The following NAALADL2 variants were observed in gnomAD, a reference collection of about 807,000 sequenced individuals.
The protein encoded by NAALADL2 is inactive N-acetylated-alpha-linked acidic dipeptidase-like protein 2.
NAALADL2 carries 76 observed loss-of-function variants against 87.2 expected under a neutral mutation model. The ratio of observed to expected loss-of-function variants is 0.87; its 90% CI spans 0.72 to 1.05. The LOEUF is 1.05. Ranked by LOEUF, NAALADL2 falls within the 50% of genes least tolerant of loss-of-function variation. NAALADL2 has a pLI of 0.00. For synonymous variants in NAALADL2, 354 were observed against 331.0 expected, an observed-to-expected ratio of 1.07 and a Z score of -0.75; for missense variants, 1,089 against 945.8, an observed-to-expected ratio of 1.15 and a Z score of -1.99.
chr3:175,281,974 T>C (rs1029791060), intron 4 of NAALADL2, among the ~76,000 whole-genome samples: 1 of 152,028 alleles, frequency 6.6e-6, no homozygotes, highest in African/African-American at 2.4e-5. Context: ...GTTTTGTTAT[T>C]ATTTCACACA....
chr3:175,430,466 G>A (rs1717565391), intron 5 of NAALADL2, among the ~76,000 whole-genome samples: 1 of 151,854 alleles, frequency 6.6e-6, no homozygotes, highest in South Asian at 2.1e-4. Flanking sequence ...TATTATTAAA[G>A]GGAATATTTC....
At chr3:175,274,733 C>T (rs983424804) in intron 4 of NAALADL2, among the ~76,000 whole-genome samples, 1 of 152,076 alleles carries the variant, frequency 6.6e-6, no homozygotes, top group Non-Finnish European at 1.5e-5. Context: ...ATATTTTCCA[C>T]AAAGTGTTCA....
chr3:175,165,099 C>T (rs1431510920), intron 2 of NAALADL2, among the ~76,000 whole-genome samples: 1 of 152,158 alleles, frequency 6.6e-6, no homozygotes, highest in Middle Eastern at 3.2e-3. Flanking sequence ...TATTTGACTT[C>T]TGATCTATTA....
At chr3:174,761,260 C>T (rs1314773908) in intron 3 of NAALADL2, among the ~76,000 whole-genome samples, 1 of 151,918 alleles carries the variant, frequency 6.6e-6, no homozygotes, top group Non-Finnish European at 1.5e-5. Flanking sequence ...CATGGAACCC[C>T]TAATTATGGA....
intron 1 of NAALADL2, among the ~76,000 whole-genome samples, chr3:174,994,042 T>G (rs747525973): frequency 5.3e-5 from 8 of 152,232 alleles, no homozygotes; most frequent in Non-Finnish European, 4.4e-5. Context: ...TGACCTCATC[T>G]TAACTTGCTT....
At chr3:175,225,039 C>T (rs558625894) in intron 2 of NAALADL2, among the ~76,000 whole-genome samples, 1 of 152,144 alleles carries the variant, frequency 6.6e-6, no homozygotes, top group East Asian at 1.9e-4. Flanking sequence ...TGAGTCTGCC[C>T]AGGAAGGAAG....
chr3:175,609,424 G>A (rs1724275856), intron 10 of NAALADL2: 1 of 152,058 alleles, frequency 6.6e-6, no homozygotes, highest in South Asian at 2.1e-4. Context: ...TAGTATATAT[G>A]ACTTTTTTTT....
In NAALADL2 at chr3:174,698,784, A is replaced by C. The variant is rs1219002833; in HGVS notation, c.-114-38857A>C. ...GAGGCTGAGGCAGGAGAATGGCGTG[A>C]ACCCGGGAGGCGGAGCTTGCAGTGA... On this transcript the variant is annotated intron_variant, in intron 2 of 3. Coordinates refer to the NAALADL2 transcript ENST00000434257. 6.0e-5 allele frequency among the ~76,000 whole-genome samples: 8 copies of C among 133,846 alleles called. 2 individuals are homozygous for C. Among genetic ancestry groups the C allele is most frequent in the Non-Finnish European group, 9.0e-5 (6 of 66,470 alleles). 87.8% of individuals were successfully genotyped at this position (133,846 alleles called of 152,430 possible).
chr3:175,013,291 A>T (rs1210979650), intron 1 of NAALADL2, among the ~76,000 whole-genome samples: 5 of 84,738 alleles, frequency 5.9e-5, no homozygotes, highest in African/African-American at 3.6e-4. Flanking sequence ...ATATATATAT[A>T]TATATATATA....
chr3:174,982,501 T>A (rs1037567341), intron 1 of NAALADL2, among the ~76,000 whole-genome samples: 18 of 152,326 alleles, frequency 1.2e-4, no homozygotes, highest in African/African-American at 3.8e-4. Flanking sequence ...AATATTCATC[T>A]ATGAACTGAT....
At chr3:175,563,832 G>T (rs1716672943) in intron 9 of NAALADL2, among the ~76,000 whole-genome samples, 1 of 152,144 alleles carries the variant, frequency 6.6e-6, no homozygotes, top group Admixed American at 6.5e-5. Flanking sequence ...TAGCATTGGG[G>T]TGTGAGCTAC....
At position 175,693,410 on chromosome 3, in the gene NAALADL2, A is replaced by G. The variant is rs570914171; in HGVS notation, c.1897-43896A>G. Among the ~76,000 whole-genome samples, 11 of 152,310 alleles carry G rather than the reference A, an allele frequency of 7.2e-5. No individual in the cohort carries two copies. In the East Asian group the frequency reaches 2.1e-3, roughly 29 times the overall value. On this transcript the variant is annotated intron_variant, in intron 11 of 13. Coordinates refer to ENST00000454872, the MANE Select transcript of NAALADL2 (RefSeq NM_207015.3). ...GGAGTAACCCAATGCACTCAGGCAAACAAAGACAGTCCTTTCAGATGTGAC... is the reference window on the plus strand; with the variant it reads ...GGAGTAACCCAATGCACTCAGGCAAGCAAAGACAGTCCTTTCAGATGTGAC...
chr3:174,486,159 G>T (rs1157464200), intron 1 of NAALADL2, among the ~76,000 whole-genome samples: 2 of 152,032 alleles, frequency 1.3e-5, no homozygotes, highest in South Asian at 2.1e-4. Flanking sequence ...GGGCTACAGG[G>T]TACTGAAAGT....
intron 1 of NAALADL2, among the ~76,000 whole-genome samples, chr3:175,061,907 T>G (rs1374090792): frequency 6.6e-6 from 1 of 152,066 alleles, no homozygotes. Context: ...AGTCTTCAAC[T>G]GGATTCAAAC....
At chr3:174,685,520 T>A (rs891635705) in intron 2 of NAALADL2, among the ~76,000 whole-genome samples, 2 of 152,160 alleles carry the variant, frequency 1.3e-5, no homozygotes, top group Admixed American at 6.6e-5. Context: ...AAATTTTTTT[T>A]AATGACAGCC....
At chr3:175,366,539 A>C (rs1427067990) in intron 5 of NAALADL2, among the ~76,000 whole-genome samples, 5 of 151,300 alleles carry the variant, frequency 3.3e-5, no homozygotes, top group African/African-American at 1.2e-4. Flanking sequence ...TGACTTTTTA[A>C]TGGTTGTCAT....
chr3:175,569,325 A>C (rs572875849), intron 9 of NAALADL2, among the ~76,000 whole-genome samples: 20 of 152,340 alleles, frequency 1.3e-4, no homozygotes, highest in Admixed American at 2.6e-4. Context: ...ATTAGTTAGA[A>C]ATTAAAGTTT....
At chr3:175,193,408 G>A (rs965361412) in intron 2 of NAALADL2, among the ~76,000 whole-genome samples, 1 of 151,642 alleles carries the variant, frequency 6.6e-6, no homozygotes, top group Non-Finnish European at 1.5e-5. Flanking sequence ...GTAATGGTCA[G>A]GAAGAAGAAA....
At chr3:174,451,418 A>T (rs1038265911) in intron 1 of NAALADL2, among the ~76,000 whole-genome samples, 2 of 152,174 alleles carry the variant, frequency 1.3e-5, no homozygotes, top group Admixed American at 1.3e-4. Context: ...TGTAATTGTT[A>T]TCAAGAATTC....
Sources: allele counts gnomAD v4.1 joint callset (sites outside exome capture counted in the v4.1 genomes callset), GRCh38; gene constraint gnomAD v4.1.1; transcripts MANE v1.5; gene names NCBI Gene and HGNC (gene_info 2026-07-23, HGNC 2026-07-21).